The following NALF1 variants were observed in gnomAD, a reference collection of about 807,000 sequenced individuals.
The protein encoded by NALF1 is NALCN channel auxiliary factor 1.
Under a neutral mutation model 48.4 loss-of-function variants are expected in NALF1, and 3 were observed. That is an observed-to-expected ratio of 0.06 (90% CI 0.03 to 0.16). NALF1 has a LOEUF of 0.16. Ranked by LOEUF, NALF1 falls within the 10% of genes least tolerant of loss-of-function variation. NALF1 has a pLI of 1.00. For missense variants in NALF1, 526 were observed against 571.5 expected (o/e 0.92, Z 0.81); for synonymous variants, 262 against 245.7 (o/e 1.07, Z -0.62).
intron 1 of NALF1, among the ~76,000 whole-genome samples, chr13:107,397,838 C>T (rs1336761751): frequency 1.3e-5 from 2 of 152,000 alleles, no homozygotes; most frequent in East Asian, 1.9e-4. Context: ...ATCTATCTTC[C>T]TATATATAGA....
At chr13:107,717,858 A>G (rs1295613492) in intron 1 of NALF1, among the ~76,000 whole-genome samples, 3 of 152,110 alleles carry the variant, frequency 2.0e-5, no homozygotes, top group East Asian at 3.9e-4. Flanking sequence ...GATATAATGT[A>G]TCTAGATCTG....
At chr13:107,633,603 C>T (rs886975291) in intron 1 of NALF1, among the ~76,000 whole-genome samples, 3 of 151,634 alleles carry the variant, frequency 2.0e-5, no homozygotes, top group South Asian at 2.1e-4. Context: ...ACATTAAACC[C>T]GTATAAACTT....
intron 1 of NALF1, among the ~76,000 whole-genome samples, chr13:107,470,950 G>A (rs1594080769): frequency 6.6e-6 from 1 of 152,232 alleles, no homozygotes; most frequent in African/African-American, 2.4e-5. Context: ...AGTCTAGTTT[G>A]CTAAAATGAA....
rs554462482 is a variant in NALF1 at position 107,404,271 on chromosome 13, T to C, written c.916-193516A>G. On this transcript the variant is annotated intron_variant, in intron 1 of 2. Coordinates refer to ENST00000375915, the MANE Select transcript of NALF1 (RefSeq NM_001080396.3). ...GCAACTTAGAGGCCAAAAGGCCTGCTGAAACCTGCATTAACCATTTTGAAT... is the reference window on the plus strand; with the variant it reads ...GCAACTTAGAGGCCAAAAGGCCTGCCGAAACCTGCATTAACCATTTTGAAT... Among the ~76,000 whole-genome samples, 44 of 152,236 alleles carry C rather than the reference T, an allele frequency of 2.9e-4. No individual in the cohort carries two copies. In the South Asian group the frequency reaches 7.3e-3, roughly 25 times the overall value.
At chr13:107,446,778 C>T (rs759602579) in intron 1 of NALF1, among the ~76,000 whole-genome samples, 10 of 152,182 alleles carry the variant, frequency 6.6e-5, no homozygotes, top group African/African-American at 2.4e-5. Flanking sequence ...GTTCTGCAAT[C>T]TTACTATTTA....
At position 107,677,766 on chromosome 13, in the gene NALF1, A is replaced by G. The variant is rs187582966; in HGVS notation, c.915+187916T>C. Among the ~76,000 whole-genome samples, 294 of 152,306 alleles carry G rather than the reference A, an allele frequency of 1.9e-3. 2 individuals are homozygous for G. Among genetic ancestry groups the G allele is most frequent in the African/African-American group, 6.6e-3 (275 of 41,574 alleles). Reference sequence around the variant, plus strand: ...TTCAATCATATTATTCTGTCAATGTATCTATAGTCTGCGATTATACTGTAA... The same window carrying G: ...TTCAATCATATTATTCTGTCAATGTGTCTATAGTCTGCGATTATACTGTAA... On this transcript the variant is annotated intron_variant, in intron 1 of 2. Coordinates refer to ENST00000375915, the MANE Select transcript of NALF1 (RefSeq NM_001080396.3).
intron 1 of NALF1, among the ~76,000 whole-genome samples, chr13:107,712,313 C>T (rs1018573599): frequency 6.6e-6 from 1 of 152,150 alleles, no homozygotes; most frequent in Non-Finnish European, 1.5e-5. Context: ...TAAACAATGG[C>T]ATTCCCAGAA....
chr13:107,861,972 A>C (rs1880582314), intron 1 of NALF1, among the ~76,000 whole-genome samples: 1 of 152,202 alleles, frequency 6.6e-6, no homozygotes, highest in Non-Finnish European at 1.5e-5. Context: ...TTTTGGTCAT[A>C]GTCTGTTATA....
intron 1 of NALF1, among the ~76,000 whole-genome samples, chr13:107,837,975 A>T (rs540257792): frequency 4.6e-5 from 7 of 152,204 alleles, no homozygotes; most frequent in Admixed American, 4.6e-4. Context: ...TCAGAAATGC[A>T]CTATGGTTTT....
chr13:107,840,676 T>C (rs1441215619), intron 1 of NALF1, among the ~76,000 whole-genome samples: 2 of 152,170 alleles, frequency 1.3e-5, no homozygotes, highest in Admixed American at 1.3e-4. Flanking sequence ...GAAGAGAGAA[T>C]GTCTATTGGG....
At chr13:107,688,495 G>A (rs1307485882) in intron 1 of NALF1, among the ~76,000 whole-genome samples, 3 of 152,108 alleles carry the variant, frequency 2.0e-5, no homozygotes, top group African/African-American at 7.2e-5. Flanking sequence ...ATATAACTAT[G>A]TTTTGAACAG....
intron 2 of NALF1, among the ~76,000 whole-genome samples, chr13:107,175,631 T>C (rs974256521): frequency 5.3e-5 from 8 of 152,342 alleles, no homozygotes; most frequent in African/African-American, 1.9e-4. Flanking sequence ...CCTTTTTCTC[T>C]GTCAAATGCA....
intron 1 of NALF1, among the ~76,000 whole-genome samples, chr13:107,856,024 C>T (rs902306927): frequency 6.6e-6 from 1 of 151,066 alleles, no homozygotes; most frequent in African/African-American, 2.4e-5. Context: ...TTCACCTCAG[C>T]CTCCTGTGTA....
At chr13:107,474,344 C>A (rs1885146412) in intron 1 of NALF1, among the ~76,000 whole-genome samples, 1 of 152,108 alleles carries the variant, frequency 6.6e-6, no homozygotes, top group Non-Finnish European at 1.5e-5. Context: ...CATCCAGAAA[C>A]TGTACTTTTA....
chr13:107,500,989 T>C (rs2139078040), intron 1 of NALF1, among the ~76,000 whole-genome samples: 1 of 151,936 alleles, frequency 6.6e-6, no homozygotes, highest in East Asian at 1.9e-4. Flanking sequence ...CTTTAGGAGA[T>C]ATACCTAATG....
chr13:107,423,703 A>C (rs1884231418), intron 1 of NALF1, among the ~76,000 whole-genome samples: 1 of 152,190 alleles, frequency 6.6e-6, no homozygotes, highest in Admixed American at 6.6e-5. Context: ...TCTTCTGATG[A>C]GAATCTACAA....
intron 1 of NALF1, among the ~76,000 whole-genome samples, chr13:107,785,863 CA>C (rs1878056217): frequency 6.6e-6 from 1 of 152,112 alleles, no homozygotes; most frequent in Admixed American, 6.5e-5. Flanking sequence ...CAGGATCTTA[CA>C]GGCCACAGAG....
At chr13:107,639,869 T>C (rs1230078960) in intron 1 of NALF1, among the ~76,000 whole-genome samples, 1 of 152,206 alleles carries the variant, frequency 6.6e-6, no homozygotes, top group Non-Finnish European at 1.5e-5. Context: ...GCTCTACTCA[T>C]GCTGGTATTC....
intron 1 of NALF1, among the ~76,000 whole-genome samples, chr13:107,347,060 G>T (rs1882786419): frequency 6.6e-6 from 1 of 152,054 alleles, no homozygotes; most frequent in African/African-American, 2.4e-5. Context: ...TTAGAAAAAT[G>T]GTGGATTATA....
Sources: gnomAD v4.1 joint callset for allele counts (sites outside exome capture counted in the v4.1 genomes callset) on GRCh38, gnomAD v4.1.1 for gene constraint, MANE v1.5 for transcripts, NCBI Gene and HGNC (gene_info 2026-07-23, HGNC 2026-07-21) for gene names.